Variants in NHSL3 observed in about 807,000 individuals in gnomAD.
The protein encoded by NHSL3 is NHS-like protein 3.
At chr1:32,747,214 C>A in the NHSL3 span, among the ~76,000 whole-genome samples, 5 of 150,124 alleles carry the variant, frequency 3.3e-5, no homozygotes, top group Non-Finnish European at 5.9e-5. Context: ...GAGACAGAGT[C>A]TCACTCTGTC....
At chr1:32,765,968 C>A in the NHSL3 span, 1 of 817,292 alleles carries the variant, frequency 1.2e-6, no homozygotes, top group Non-Finnish European at 1.9e-6. Context: ...AATCTCCCAT[C>A]CGGCTGTGCT....
the NHSL3 span, among the ~76,000 whole-genome samples, chr1:32,764,658 G>C: frequency 6.6e-6 from 1 of 152,058 alleles, no homozygotes; most frequent in Non-Finnish European, 1.5e-5. Context: ...TTTTAGTAGA[G>C]ACAGGGTTTC....
At chr1:32,773,028 T>A in the NHSL3 span, 1 of 766,508 alleles carries the variant, frequency 1.3e-6, no homozygotes, top group South Asian at 1.5e-5. Context: ...CGGCCTTCGA[T>A]ACTTATGCAA....
At chr1:32,741,964 C>T in the NHSL3 span, 1 of 1,094,196 alleles carries the variant, frequency 9.1e-7, no homozygotes, top group Admixed American at 5.0e-5. This position sits in a 1 kb window ranked among gnomAD's most constrained non-coding sequence, Gnocchi z 4.3. Flanking sequence ...CATGGCGGCC[C>T]GCGCGCCCCC....
chr1:32,750,251 A>G, the NHSL3 span, among the ~76,000 whole-genome samples: 6 of 152,230 alleles, frequency 3.9e-5, no homozygotes, highest in East Asian at 1.2e-3. Flanking sequence ...ACTGTACTCT[A>G]TGCCCTTGTA....
chr1:32,767,012 C>A, the NHSL3 span, among the ~76,000 whole-genome samples: 4 of 152,140 alleles, frequency 2.6e-5, no homozygotes, highest in African/African-American at 9.7e-5. Flanking sequence ...TTCTCCCCTC[C>A]CCTGCCCATC....
the NHSL3 span, chr1:32,765,911 C>T: frequency 7.4e-7 from 1 of 1,349,282 alleles, no homozygotes; most frequent in Admixed American, 2.0e-5. Flanking sequence ...GGAATCAAGG[C>T]TGGGCAAAAG....
the NHSL3 span, chr1:32,771,857 G>T: frequency 1.9e-6 from 3 of 1,600,980 alleles, no homozygotes; most frequent in Non-Finnish European, 1.7e-6. Context: ...CGCTCCGTGG[G>T]TGCTCCAGGA....
the NHSL3 span, chr1:32,774,901 G>A: frequency 6.6e-6 from 1 of 152,416 alleles, no homozygotes; most frequent in Non-Finnish European, 1.5e-5. Context: ...CCTCTGCCCT[G>A]AAGCCTGAGT....
chr1:32,756,355 G>A, the NHSL3 span, among the ~76,000 whole-genome samples: 14 of 151,886 alleles, frequency 9.2e-5, no homozygotes, highest in African/African-American at 3.4e-4. Context: ...GTAAAGGCAT[G>A]GAGTTGAGGT....
chr1:32,744,814 C>T, the NHSL3 span, among the ~76,000 whole-genome samples: 1 of 152,130 alleles, frequency 6.6e-6, no homozygotes, highest in Non-Finnish European at 1.5e-5. Flanking sequence ...CCAAGATTCT[C>T]ACAAGAGAGC....
chr1:32,771,272 C>G, the NHSL3 span: 1 of 1,612,528 alleles, frequency 6.2e-7, no homozygotes, highest in East Asian at 2.2e-5. Flanking sequence ...GGGCCTGTTT[C>G]TACCACTGAC....
the NHSL3 span, among the ~76,000 whole-genome samples, chr1:32,749,732 T>C: frequency 6.6e-6 from 1 of 152,046 alleles, no homozygotes; most frequent in Non-Finnish European, 1.5e-5. Flanking sequence ...CCTCAACACC[T>C]TCAGGGGCTC....
At chr1:32,770,758 C>T in the NHSL3 span, 15 of 1,572,892 alleles carry the variant, frequency 9.5e-6, no homozygotes, top group Middle Eastern at 1.7e-4. This position sits in a 1 kb window ranked among gnomAD's most constrained non-coding sequence, Gnocchi z 8.3. Context: ...TAAGCCTGAG[C>T]GTAAGCAGCA....
At chr1:32,770,949 T>TTCCCCC in the NHSL3 span, 1 of 1,563,242 alleles carries the variant, frequency 6.4e-7, no homozygotes, top group Non-Finnish European at 8.8e-7. This position sits in a 1 kb window ranked among gnomAD's most constrained non-coding sequence, Gnocchi z 8.3. Flanking sequence ...AAAGTGGTAC[T>TTCCCCC]CCCACCCTCC....
chr1:32,770,473 C>G, the NHSL3 span: 1 of 1,595,232 alleles, frequency 6.3e-7, no homozygotes, highest in Non-Finnish European at 8.6e-7. This position sits in a 1 kb window ranked among gnomAD's most constrained non-coding sequence, Gnocchi z 8.3. Context: ...CGGTTCCACC[C>G]TCTCCTCTAA....
the NHSL3 span, among the ~76,000 whole-genome samples, chr1:32,752,794 G>C: frequency 6.6e-6 from 1 of 151,306 alleles, no homozygotes; most frequent in Non-Finnish European, 1.5e-5. Flanking sequence ...GGCCAGGCTA[G>C]TCTCGAACTC....
At chr1:32,753,775 G>A in the NHSL3 span, among the ~76,000 whole-genome samples, 13 of 152,368 alleles carry the variant, frequency 8.5e-5, no homozygotes, top group East Asian at 2.1e-3. Context: ...TCTGGGCTGA[G>A]AGAGTGGGCA....
the NHSL3 span, among the ~76,000 whole-genome samples, chr1:32,744,622 G>T: frequency 2.5e-3 from 377 of 152,254 alleles, 3 homozygotes; most frequent in African/African-American, 8.7e-3. Flanking sequence ...TTGATAGAGT[G>T]GGGAGAGTAT....
Sources: gnomAD v4.1 joint callset for allele counts (sites outside exome capture counted in the v4.1 genomes callset) on GRCh38, gnomAD v4.1.1 for gene constraint, Gnocchi (gnomAD v3.1) non-coding constraint, MANE v1.5 for transcripts, NCBI Gene and HGNC (gene_info 2026-07-23, HGNC 2026-07-21) for gene names.